Variants in PACSIN2 observed in about 807,000 individuals in gnomAD.
The protein encoded by PACSIN2 is protein kinase C and casein kinase substrate in neurons protein 2.
PACSIN2 carries 25 observed loss-of-function variants against 63.8 expected under a neutral mutation model. The observed-to-expected ratio is 0.39, with a 90% CI of 0.29 to 0.55. The LOEUF (loss-of-function observed/expected upper bound fraction) is 0.55, where lower values mean the gene tolerates loss of function less well. Ranked by LOEUF, PACSIN2 falls within the 20% of genes least tolerant of loss-of-function variation. The probability of loss-of-function intolerance (pLI) is 0.62; values close to 1 mark genes in which losing one functional copy is unlikely to be tolerated. For synonymous variants in PACSIN2, 255 were observed against 256.2 expected, an observed-to-expected ratio of 1.00 and a Z score of 0.05; for missense variants, 518 against 646.9, an observed-to-expected ratio of 0.80 and a Z score of 2.16.
chr22:42,988,678 T>C (rs1002152903), intron 1 of PACSIN2, among the ~76,000 whole-genome samples: 2 of 152,206 alleles, frequency 1.3e-5, no homozygotes, highest in Non-Finnish European at 2.9e-5. Flanking sequence ...TCAGTTAACA[T>C]TGCTCTCCAA....
At chr22:43,005,631 A>C (rs1355119902) in intron 1 of PACSIN2, among the ~76,000 whole-genome samples, 1 of 152,220 alleles carries the variant, frequency 6.6e-6, no homozygotes, top group African/African-American at 2.4e-5. Flanking sequence ...AAGGATTTTT[A>C]AATAGAACTG....
intron 1 of PACSIN2, among the ~76,000 whole-genome samples, chr22:42,965,106 G>T (rs997258128): frequency 6.6e-6 from 1 of 152,182 alleles, no homozygotes; most frequent in Non-Finnish European, 1.5e-5. Context: ...GCAATAAAAA[G>T]GAATGAGCTA....
intron 1 of PACSIN2, among the ~76,000 whole-genome samples, chr22:42,968,864 C>T (rs528233398): frequency 9.0e-4 from 137 of 152,312 alleles, no homozygotes; most frequent in African/African-American, 3.2e-3. Flanking sequence ...CTTAGGCCTT[C>T]AGCACTGGAC....
chr22:42,947,138 TG>T, intron 1 of PACSIN2: 1 of 152,260 alleles, frequency 6.6e-6, no homozygotes, highest in South Asian at 2.1e-4. Context: ...AAGATTCTCC[TG>T]GCATAAATAG....
At chr22:42,934,969 G>A (rs1773066031) in intron 1 of PACSIN2, among the ~76,000 whole-genome samples, 1 of 151,488 alleles carries the variant, frequency 6.6e-6, no homozygotes, top group South Asian at 2.1e-4. Flanking sequence ...AGGCTGGAGT[G>A]CAGTGGCGCA....
intron 1 of PACSIN2, among the ~76,000 whole-genome samples, chr22:42,964,021 G>T (rs1277287717): frequency 6.6e-5 from 10 of 152,046 alleles, no homozygotes; most frequent in Non-Finnish European, 1.5e-4. Flanking sequence ...CACCGTCAAG[G>T]GTAGGACATT....
chr22:42,942,129 A>AT (rs1434891521), intron 1 of PACSIN2, among the ~76,000 whole-genome samples: 1 of 136,200 alleles, frequency 7.3e-6, no homozygotes, highest in Non-Finnish European at 1.6e-5. Context: ...AATTCTTTCA[A>AT]TTTTTTTGGT....
chr22:42,953,900 G>T (rs1289366971), intron 1 of PACSIN2, among the ~76,000 whole-genome samples: 1 of 152,240 alleles, frequency 6.6e-6, no homozygotes, highest in Non-Finnish European at 1.5e-5. Context: ...AGGAAAGCCA[G>T]GGAAGAGAGG....
intron 1 of PACSIN2, among the ~76,000 whole-genome samples, chr22:42,941,531 C>T (rs1169938038): frequency 6.6e-6 from 1 of 152,158 alleles, no homozygotes; most frequent in African/African-American, 2.4e-5. Flanking sequence ...TGTGACAGTT[C>T]CAATTTCCCA....
chr22:42,983,499 A>AAAAAAAAAAAAAC (rs1922387626), intron 1 of PACSIN2, among the ~76,000 whole-genome samples: 1 of 145,828 alleles, frequency 6.9e-6, no homozygotes, highest in South Asian at 2.1e-4. Context: ...CAAAAAAAAA[A>AAAAAAAAAAAAAC]AAAAAAAAAC....
chr22:42,929,263 T>C (rs2284092), intron 1 of PACSIN2, among the ~76,000 whole-genome samples: 54,704 of 152,170 alleles, frequency 0.36, 11,188 homozygotes, highest in Non-Finnish European at 0.47. Context: ...ATCACATAAA[T>C]TACTTACAAT....
At chr22:42,990,338 T>C in intron 1 of PACSIN2, among the ~76,000 whole-genome samples, 1 of 152,072 alleles carries the variant, frequency 6.6e-6, no homozygotes, top group Non-Finnish European at 1.5e-5. Context: ...ATGCCTGCAT[T>C]GTTCATCCCA....
chr22:42,990,705 C>T (rs1255313233), intron 1 of PACSIN2, among the ~76,000 whole-genome samples: 3 of 152,052 alleles, frequency 2.0e-5, no homozygotes, highest in Non-Finnish European at 4.4e-5. Context: ...GGGGTCAGAC[C>T]ACAAGTCTGG....
At chr22:42,950,837 C>T (rs989445833) in intron 1 of PACSIN2, among the ~76,000 whole-genome samples, 2 of 152,124 alleles carry the variant, frequency 1.3e-5, no homozygotes, top group Admixed American at 1.3e-4. Context: ...CCTGTGGGGT[C>T]CCGGGATGGG....
intron 1 of PACSIN2, among the ~76,000 whole-genome samples, chr22:42,967,651 G>C (rs1219534229): frequency 1.3e-5 from 2 of 152,218 alleles, no homozygotes; most frequent in Non-Finnish European, 2.9e-5. Context: ...CACTTTGGGA[G>C]GCCGAGGCGG....
At chr22:42,937,978 T>A (rs182719642) in intron 1 of PACSIN2, among the ~76,000 whole-genome samples, 1 of 152,280 alleles carries the variant, frequency 6.6e-6, no homozygotes, top group East Asian at 1.9e-4. Context: ...CCTGGTTGAT[T>A]TTTCCCAGCT....
chr22:43,012,955 T>A (rs1213303749), intron 1 of PACSIN2, among the ~76,000 whole-genome samples: 1 of 152,056 alleles, frequency 6.6e-6, no homozygotes, highest in African/African-American at 2.4e-5. Context: ...ACGCCCGGCC[T>A]TAATTTTTGT....
intron 2 of PACSIN2, among the ~76,000 whole-genome samples, chr22:42,908,580 G>A (rs1369146988): frequency 2.0e-5 from 3 of 152,332 alleles, no homozygotes; most frequent in African/African-American, 4.8e-5. Context: ...ATGCCCTGCC[G>A]TGAAGCCTGT....
intron 1 of PACSIN2, among the ~76,000 whole-genome samples, chr22:43,001,463 A>G (rs1207931168): frequency 6.6e-6 from 1 of 152,252 alleles, no homozygotes; most frequent in African/African-American, 2.4e-5. Context: ...CAAGCAAAGC[A>G]TCACTCTAAA....
Sources: gnomAD v4.1 joint callset for allele counts (sites outside exome capture counted in the v4.1 genomes callset) on GRCh38, gnomAD v4.1.1 for gene constraint, MANE v1.5 for transcripts, NCBI Gene and HGNC (gene_info 2026-07-23, HGNC 2026-07-21) for gene names.